Variants in FAM114A2 observed in about 807,000 individuals in gnomAD.
FAM114A2 encodes protein FAM114A2.
FAM114A2 carries 53 observed loss-of-function variants against 58.4 expected under a neutral mutation model. The ratio of observed to expected loss-of-function variants is 0.91; its 90% CI spans 0.73 to 1.14. The LOEUF (loss-of-function observed/expected upper bound fraction) is 1.14, where lower values mean the gene tolerates loss of function less well. Ranked by LOEUF, FAM114A2 falls within the 50% of genes most tolerant of loss-of-function variation. FAM114A2 has a pLI of 0.00. For missense variants in FAM114A2, 601 were observed against 581.1 expected, an observed-to-expected ratio of 1.03 and a Z score of -0.35; for synonymous variants, 228 against 211.4, an observed-to-expected ratio of 1.08 and a Z score of -0.68.
At chr5:154,000,901 T>C (rs567620196) in intron 11 of FAM114A2, among the ~76,000 whole-genome samples, 1 of 152,008 alleles carries the variant, frequency 6.6e-6, no homozygotes, top group East Asian at 1.9e-4. Context: ...TTAATAATAG[T>C]TATTAGTTAT....
At chr5:153,995,525 C>A (rs763188092) in intron 12 of FAM114A2, among the ~76,000 whole-genome samples, 5 of 152,014 alleles carry the variant, frequency 3.3e-5, no homozygotes, top group Admixed American at 6.5e-5. Flanking sequence ...TTATCCTTTA[C>A]AGGAATAATC....
intron 9 of FAM114A2, among the ~76,000 whole-genome samples, chr5:154,007,560 G>C (rs977621760): frequency 2.0e-5 from 3 of 152,130 alleles, no homozygotes; most frequent in Non-Finnish European, 1.5e-5. Flanking sequence ...TAAACAATCT[G>C]AAGATTGCTT....
chr5:154,033,767 G>A, intron 4 of FAM114A2, 24 bp downstream of exon 4: 1 of 1,315,788 alleles, frequency 7.6e-7, no homozygotes, highest in South Asian at 1.2e-5. Flanking sequence ...ATAATTCTAG[G>A]TCTTTATGTT....
intron 1 of FAM114A2, among the ~76,000 whole-genome samples, chr5:154,038,116 A>C (rs547115534): frequency 6.6e-6 from 1 of 152,216 alleles, no homozygotes; most frequent in East Asian, 1.9e-4. Context: ...GGCATTGTGT[A>C]GTAAGCGTGT....
chr5:154,014,634 C>T (rs1013032890), intron 8 of FAM114A2, among the ~76,000 whole-genome samples: 7 of 152,176 alleles, frequency 4.6e-5, no homozygotes, highest in African/African-American at 1.2e-4. Context: ...GTAGAGGAAG[C>T]AGTAGGAAAA....
intron 8 of FAM114A2, among the ~76,000 whole-genome samples, chr5:154,025,111 C>T (rs1205976432): frequency 2.0e-5 from 3 of 152,012 alleles, no homozygotes; most frequent in Non-Finnish European, 4.4e-5. Context: ...TGGTATTCCA[C>T]GAAAAAAGCA....
At chr5:154,005,841 GA>G (rs1174606877) in intron 9 of FAM114A2, among the ~76,000 whole-genome samples, 1 of 152,216 alleles carries the variant, frequency 6.6e-6, no homozygotes, top group Non-Finnish European at 1.5e-5. Flanking sequence ...GGAATCCAGA[GA>G]AGACTTTGAG....
chr5:154,011,371 A>C, intron 8 of FAM114A2, 51 bp from the exon 9 acceptor site: 6 of 1,281,670 alleles, frequency 4.7e-6, no homozygotes, highest in Non-Finnish European at 6.8e-6. Context: ...GCTGAGGATC[A>C]TGAGGTGGCA....
intron 8 of FAM114A2, 60 bp from the exon 9 acceptor site, chr5:154,011,380 C>A (rs1297739897): frequency 8.6e-6 from 10 of 1,163,534 alleles, no homozygotes; most frequent in African/African-American, 1.5e-5. Context: ...CATGAGGTGG[C>A]AGGCGAGGAG....
chr5:154,000,821 A>T (rs1182419473), intron 11 of FAM114A2, among the ~76,000 whole-genome samples: 3 of 152,228 alleles, frequency 2.0e-5, no homozygotes, highest in African/African-American at 7.2e-5. Context: ...TTAAGGAGAC[A>T]ACATCATACT....
At chr5:154,029,433 T>C (rs1772027158) in intron 5 of FAM114A2, 56 bp downstream of exon 5, 1 of 979,348 alleles carries the variant, frequency 1.0e-6, no homozygotes. Context: ...GAGAAAGATA[T>C]GCAAACCCAT....
Position 153,996,496 on chromosome 5 carries a change from G to A in FAM114A2, c.1329+1307C>T, listed in dbSNP as rs116560084. Among the ~76,000 whole-genome samples, 1,439 of 150,526 alleles carry A rather than the reference G, an allele frequency of 9.6e-3. 12 individuals are homozygous for A. Among genetic ancestry groups the A allele is most frequent in the Non-Finnish European group, 0.015 (1,022 of 67,736 alleles). ...ACTGCAAAGGACACGATCAAAAAGC[G>A]AAATGACAACTCATGGACTTGGAGA... On this transcript the variant is annotated intron_variant, in intron 12 of 13. Transcript: ENST00000351797.
Position 153,991,691 on chromosome 5 carries a change from T to TG in FAM114A2, c.*1284_*1285insC, listed in dbSNP as rs1769253985. 1 of 136,480 alleles carries TG rather than the reference T, an allele frequency of 7.3e-6. No homozygotes were observed. Among genetic ancestry groups the TG allele is most frequent in the Admixed American group, 7.4e-5 (1 of 13,576 alleles). 8.5% of individuals were successfully genotyped at this position (136,480 alleles called of 1,614,324 possible). A position where few individuals can be genotyped will look rare whatever the true frequency, so the allele number is the denominator to read the frequency against. ...AATCTATGTTATGGCTTTGCTTTGC[T>TG]ATTTTTTTTTTTTTTTTTTGGTCTA... On this transcript the variant is annotated 3_prime_UTR_variant, in exon 14 of 14. Transcript: ENST00000351797.
intron 9 of FAM114A2, among the ~76,000 whole-genome samples, chr5:154,007,124 C>T (rs1343077249): frequency 2.0e-5 from 3 of 152,054 alleles, no homozygotes; most frequent in African/African-American, 7.2e-5. Flanking sequence ...ATAGAGCATA[C>T]CCAAAGTGAC....
At chr5:154,028,395 A>G (rs1472496702) in intron 5 of FAM114A2, 112 bp from the exon 6 acceptor site, 2 of 685,612 alleles carry the variant, frequency 2.9e-6, no homozygotes, top group Non-Finnish European at 4.7e-6. Flanking sequence ...AAGCACTGGC[A>G]AGAATGTAAA....
chr5:154,027,312 T>C lies in FAM114A2; in HGVS notation c.653A>G (p.Lys218Arg), dbSNP rs1384867516. 2 of 1,612,440 alleles carry C rather than the reference T, an allele frequency of 1.2e-6. No individual in the cohort carries two copies. Among genetic ancestry groups the C allele is most frequent in the Non-Finnish European group, 1.7e-6 (2 of 1,179,432 alleles). Residue 218 changes from lysine to arginine, a missense_variant, in exon 7 of 14, where the codon AAA (lysine) becomes AGA (arginine). By Grantham distance (26) the Lys-to-Arg change is conservative. Transcript: ENST00000351797. ...LSQVLREAKEKEEIRTSNEVT... is the reference protein window; with the variant it reads ...LSQVLREAKEREEIRTSNEVT... ...CTCATTGGAGGTCCGTATCTCTTCT[T>C]TCTCCTTCGCCTCTCGTAAAACCTA...
chr5:154,022,333 T>A (rs974169046), intron 8 of FAM114A2, among the ~76,000 whole-genome samples: 4 of 152,154 alleles, frequency 2.6e-5, no homozygotes, highest in African/African-American at 9.7e-5. Flanking sequence ...GAAACTACCA[T>A]CAGCGTGAAC....
At chr5:154,005,640 T>C (rs1770302910) in intron 9 of FAM114A2, among the ~76,000 whole-genome samples, 1 of 152,230 alleles carries the variant, frequency 6.6e-6, no homozygotes, top group African/African-American at 2.4e-5. Context: ...GTTCTGCTCC[T>C]TGATTTTCTA....
At chr5:154,005,769 T>C (rs1161983404) in intron 9 of FAM114A2, among the ~76,000 whole-genome samples, 2 of 152,242 alleles carry the variant, frequency 1.3e-5, no homozygotes, top group Non-Finnish European at 2.9e-5. Flanking sequence ...AAACTGTTTA[T>C]TACCACCTAG....
Sources: gnomAD v4.1 joint callset for allele counts (sites outside exome capture counted in the v4.1 genomes callset) on GRCh38, gnomAD v4.1.1 for gene constraint, MANE v1.5 for transcripts, NCBI Gene and HGNC (gene_info 2026-07-23, HGNC 2026-07-21) for gene names.